The following NR1H4 variants were observed in gnomAD, a reference collection of about 807,000 sequenced individuals.
NR1H4 encodes nuclear receptor subfamily 1 group H member 4.
In NR1H4, 23 loss-of-function variants were observed where a neutral mutation model predicts 58.5. The observed-to-expected ratio is 0.39, with a 90% confidence interval of 0.28 to 0.56. The LOEUF is 0.56. NR1H4 is among the 20% of genes least tolerant of loss of function. NR1H4 has a pLI of 0.58. For missense variants in NR1H4, 487 were observed against 576.9 expected, an observed-to-expected ratio of 0.84 and a Z score of 1.60; for synonymous variants, 214 against 198.0, an observed-to-expected ratio of 1.08 and a Z score of -0.68.
At chr12:100,545,807 C>T (rs1466706911) in intron 9 of NR1H4, among the ~76,000 whole-genome samples, 1 of 151,774 alleles carries the variant, frequency 6.6e-6, no homozygotes, top group African/African-American at 2.4e-5. Context: ...AAGCAGATAT[C>T]AACATGGGAC....
At chr12:100,497,608 G>A (rs1331251904) in intron 3 of NR1H4, among the ~76,000 whole-genome samples, 1 of 152,140 alleles carries the variant, frequency 6.6e-6, no homozygotes, top group African/African-American at 2.4e-5. Context: ...CCTGGGGGTG[G>A]AAGGACACAG....
chr12:100,544,037 G>A (rs183385011), intron 9 of NR1H4, among the ~76,000 whole-genome samples: 1 of 152,050 alleles, frequency 6.6e-6, no homozygotes, highest in South Asian at 2.1e-4. Flanking sequence ...TGGATTACAA[G>A]GTCAGGAGAT....
intron 9 of NR1H4, among the ~76,000 whole-genome samples, chr12:100,547,025 T>G (rs1041959027): frequency 3.9e-5 from 6 of 152,118 alleles, no homozygotes; most frequent in Non-Finnish European, 8.8e-5. Context: ...CTCAGTACTT[T>G]CCATGTATCC....
At chr12:100,500,577 T>C (rs918326493) in intron 3 of NR1H4, among the ~76,000 whole-genome samples, 1 of 152,340 alleles carries the variant, frequency 6.6e-6, no homozygotes, top group Admixed American at 6.5e-5. Context: ...TTGGGCTCTG[T>C]GTCCCCACCC....
chr12:100,537,678 A>T (rs556019511), intron 8 of NR1H4, among the ~76,000 whole-genome samples: 2 of 152,358 alleles, frequency 1.3e-5, no homozygotes, highest in Admixed American at 1.3e-4. Flanking sequence ...GAGAAGCAGC[A>T]GCATTCCAAG....
At chr12:100,548,237 C>G (rs1017944785) in intron 9 of NR1H4, among the ~76,000 whole-genome samples, 14 of 150,894 alleles carry the variant, frequency 9.3e-5, no homozygotes, top group Admixed American at 4.0e-4. Flanking sequence ...CATGGTGGCA[C>G]GCACCTGTAG....
intron 4 of NR1H4, among the ~76,000 whole-genome samples, chr12:100,512,468 G>A (rs1289274292): frequency 5.3e-5 from 8 of 151,888 alleles, no homozygotes; most frequent in Admixed American, 5.2e-4. Context: ...GTGAAACCCC[G>A]TCTCTACTAA....
chr12:100,517,785 C>T (rs936007760), intron 4 of NR1H4, among the ~76,000 whole-genome samples: 4 of 152,128 alleles, frequency 2.6e-5, no homozygotes, highest in African/African-American at 9.7e-5. Context: ...TGTTGAGTGC[C>T]TTATGCCCAT....
intron 1 of NR1H4, among the ~76,000 whole-genome samples, chr12:100,476,841 A>G (rs73378048): frequency 0.042 from 6,360 of 152,170 alleles, 416 homozygotes; most frequent in African/African-American, 0.14. Context: ...GAGCTATGAT[A>G]ATGCCACTAT....
chr12:100,512,013 G>A (rs7956494), intron 4 of NR1H4, among the ~76,000 whole-genome samples: 5,708 of 150,742 alleles, frequency 0.038, 359 homozygotes, highest in African/African-American at 0.13. Flanking sequence ...TGGGTGGATC[G>A]CTTGAGTCCA....
intron 1 of NR1H4, among the ~76,000 whole-genome samples, chr12:100,491,012 C>A (rs890134006): frequency 6.6e-6 from 1 of 152,118 alleles, no homozygotes; most frequent in Non-Finnish European, 1.5e-5. Flanking sequence ...CCAGGCTGGT[C>A]TCGAACTCTT....
rs746356968 is a variant in NR1H4, at chr12:100,540,723, C to T, written c.983C>T (p.Ala328Val). The change falls in exon 9 of 11, where the codon GCG becomes GTG. Residue 328 changes from alanine to valine, a missense_variant. By Grantham distance (64) the Ala-to-Val change is moderately conservative. Transcript: ENST00000392986. ...CAGATTGCTTTGCTGAAAGGGTCTG[C>T]GGTTGAAGCTATGTTCCTTCGTTCA... The part of the protein sequence containing the change: ...EDQIALLKGS[A>V]VEAMFLRSAE... The T allele has an allele frequency of 6.8e-6, 11 of 1,613,972 alleles. No homozygotes were observed. The highest frequency in any genetic ancestry group is 1.3e-5 in the African/African-American group (1 of 74,928).
At chr12:100,478,080 A>G (rs1234414887) in intron 1 of NR1H4, among the ~76,000 whole-genome samples, 2 of 152,102 alleles carry the variant, frequency 1.3e-5, no homozygotes, top group African/African-American at 2.4e-5. Flanking sequence ...AATGTAAACT[A>G]TAGTCCTTCG....
At chr12:100,540,187 G>A (rs1487399136) in intron 8 of NR1H4, among the ~76,000 whole-genome samples, 2 of 152,164 alleles carry the variant, frequency 1.3e-5, no homozygotes, top group Non-Finnish European at 2.9e-5. Context: ...GCTGAGTTCA[G>A]AGCAGATACA....
intron 9 of NR1H4, among the ~76,000 whole-genome samples, chr12:100,559,480 C>T (rs368765735): frequency 2.6e-5 from 4 of 152,320 alleles, no homozygotes; most frequent in Middle Eastern, 3.4e-3. Flanking sequence ...TCGGAGCAGC[C>T]GGCCAGCCCT....
rs184588378 is a variant in NR1H4, at chr12:100,530,808, G to C, written c.446-1650G>C. On this transcript the variant is annotated intron_variant, in intron 4 of 10. Transcript: ENST00000392986. The stretch of plus-strand genomic sequence containing the variant: ...ATGCCCCCAAAATGTATACTAAAGA[G>C]GTCCTGTTGCCCCAAGCCCAATGAA... Among the ~76,000 whole-genome samples, 5 of 152,262 alleles carry C rather than the reference G, an allele frequency of 3.3e-5. No homozygotes were observed. In the East Asian group the frequency reaches 9.7e-4, roughly 29 times the overall value.
intron 1 of NR1H4, among the ~76,000 whole-genome samples, chr12:100,490,646 T>C (rs939502095): frequency 4.6e-5 from 7 of 152,150 alleles, no homozygotes; most frequent in African/African-American, 1.7e-4. Context: ...TACAGACACA[T>C]ATACATATTT....
At chr12:100,533,170 A>G (rs1346923718) in intron 5 of NR1H4, among the ~76,000 whole-genome samples, 1 of 152,222 alleles carries the variant, frequency 6.6e-6, no homozygotes, top group Admixed American at 6.5e-5. Flanking sequence ...TCTGATAAAG[A>G]GACACTGTAT....
chr12:100,548,526 C>T (rs1593125892), intron 9 of NR1H4, among the ~76,000 whole-genome samples: 3 of 152,264 alleles, frequency 2.0e-5, no homozygotes, highest in Admixed American at 2.0e-4. Context: ...CATTAGCCTC[C>T]CTCCTCTCAC....
Sources: gnomAD v4.1 joint callset for allele counts (sites outside exome capture counted in the v4.1 genomes callset) on GRCh38, gnomAD v4.1.1 for gene constraint, MANE v1.5 for transcripts, NCBI Gene and HGNC (gene_info 2026-07-23, HGNC 2026-07-21) for gene names.